Variants in RPRD2 observed in about 807,000 individuals in gnomAD.
RPRD2 encodes regulation of nuclear pre-mRNA domain containing 2, also known as regulation of nuclear pre-mRNA domain-containing protein 2.
A neutral mutation model predicts 104.4 loss-of-function variants in RPRD2; 12 were observed. The observed-to-expected ratio is 0.11, with a 90% CI of 0.07 to 0.19. The LOEUF (loss-of-function observed/expected upper bound fraction) is 0.19, where lower values mean the gene tolerates loss of function less well. Among genes scored for constraint, RPRD2 ranks in the 10% least tolerant of loss-of-function variants. The probability of loss-of-function intolerance (pLI) is 1.00; values close to 1 mark genes in which losing one functional copy is unlikely to be tolerated. For missense variants in RPRD2, 1,543 were observed against 1,790.1 expected, an observed-to-expected ratio of 0.86 and a Z score of 2.49; for synonymous variants, 714 against 684.9, an observed-to-expected ratio of 1.04 and a Z score of -0.66.
Position 150,471,805 on chromosome 1 carries a change from G to C in RPRD2, c.2857G>C (p.Gly953Arg), listed in dbSNP as rs1421080746. 1 of 1,613,744 alleles carries C rather than the reference G, an allele frequency of 6.2e-7. No homozygotes were observed. The highest frequency in any genetic ancestry group is 1.1e-5 in the South Asian group (1 of 91,056). Residue 953 changes from glycine to arginine, a missense_variant, in exon 11 of 11, where the codon GGG becomes CGG. Gly to Arg is a moderately radical substitution (Grantham distance 125). Transcript: ENST00000369068. This position sits in a 1 kb window ranked among gnomAD's most constrained non-coding sequence, Gnocchi z 5.3. Reference protein sequence around the residue: ...NHNSLSQSTTGHLSLPQKQYP... With the variant: ...NHNSLSQSTTRHLSLPQKQYP... ...CAATAGCTTGTCTCAATCTACCACT[G>C]GGCATCTCAGTTTGCCACAGAAGCA...
rs1397489502 is a variant in RPRD2 at position 150,472,975 on chromosome 1, C to T, written c.4027C>T (p.Leu1343Phe). The T allele has an allele frequency of 3.7e-6, 6 of 1,613,852 alleles. No homozygotes were observed. The highest frequency in any genetic ancestry group is 1.6e-4 in the Middle Eastern group (1 of 6,084). The change falls in exon 11 of 11, where the codon CTC (leucine) becomes TTC (phenylalanine). Residue 1343 changes from leucine to phenylalanine, a missense_variant. By Grantham distance (22) the Leu-to-Phe change is conservative. Transcript: ENST00000369068. ...GACCCTGGCTGAGCATTTTGGGGTA[C>T]TCCCAGGACCCAGGGACCACGGGGG... ...QGTLAEHFGV[L>F]PGPRDHGGPT...
Position 150,367,259 on chromosome 1 carries a change from AAT to A in RPRD2, c.205+2343_205+2344del, listed in dbSNP as rs587750033. Among the ~76,000 whole-genome samples the A allele has an allele frequency of 7.2e-4, 109 of 152,336 alleles. No homozygotes were observed. In the South Asian group the frequency reaches 0.022, roughly 31 times the overall value. On this transcript the variant is annotated intron_variant, in intron 1 of 10. Coordinates refer to ENST00000369068, the MANE Select transcript of RPRD2 (RefSeq NM_015203.5). Reference sequence around the variant, plus strand: ...ATTGTAAATAAAGCGTTTTGAGAGAAATATTCAGCAGAATGGTGTGGGGCGCA... The same window carrying A: ...ATTGTAAATAAAGCGTTTTGAGAGAAATTCAGCAGAATGGTGTGGGGCGCA...
rs1423067772 is a variant in RPRD2, at chr1:150,471,313, T to C, written c.2365T>C (p.Tyr789His). 6.2e-7 allele frequency: 1 copy of C among 1,613,696 alleles called. No individual in the cohort carries two copies. Among genetic ancestry groups the C allele is most frequent in the East Asian group, 2.2e-5 (1 of 44,884 alleles). Residue 789 changes from tyrosine (Y) to histidine (H), a missense_variant, in exon 11 of 11, where the codon TAT becomes CAT. By Grantham distance (83) the Tyr-to-His change is moderately conservative. Transcript: ENST00000369068. This position sits in a 1 kb window ranked among gnomAD's most constrained non-coding sequence, Gnocchi z 5.3. ...AGAGCTCTCCAATTCTGTATCTACA[T>C]ATCGACCCTTTGGTCTGGGCAGTGA... is the stretch of plus-strand genomic sequence containing the variant. ...PRELSNSVST[Y>H]RPFGLGSESP...
chr1:150,366,339 C>T (rs2102063600), intron 1 of RPRD2, among the ~76,000 whole-genome samples: 1 of 152,308 alleles, frequency 6.6e-6, no homozygotes. Flanking sequence ...AGGCCCCATG[C>T]TTCGAACTAT....
chr1:150,417,770 T>G (rs367910768), intron 2 of RPRD2, 45 bp downstream of exon 2: 98 of 1,451,314 alleles, frequency 6.8e-5, no homozygotes, highest in Middle Eastern at 3.7e-4. Flanking sequence ...CTTAGACAAC[T>G]TAGAATTTTA....
intron 1 of RPRD2, among the ~76,000 whole-genome samples, chr1:150,371,431 G>A (rs765314666): frequency 6.6e-6 from 1 of 152,082 alleles, no homozygotes; most frequent in Admixed American, 6.6e-5. Flanking sequence ...TGGCACGATC[G>A]TGGCTCACTG....
Position 150,476,431 on chromosome 1 carries a change from T to C in RPRD2, c.*3097T>C, listed in dbSNP as rs1668896693. 1 of 152,192 alleles carries C rather than the reference T, an allele frequency of 6.6e-6. No homozygotes were observed. The highest frequency in any genetic ancestry group is 2.4e-5 in the African/African-American group (1 of 41,438). 9.4% of individuals were successfully genotyped at this position (152,192 alleles called of 1,614,324 possible). On this transcript the variant is annotated 3_prime_UTR_variant, in exon 11 of 11. Coordinates refer to ENST00000369068, the MANE Select transcript of RPRD2 (RefSeq NM_015203.5). The stretch of plus-strand genomic sequence containing the variant: ...GTGGGCGGGGGCGCCTGTTAAGATC[T>C]AAAATAGATATGTTGGATTGATATT...
At chr1:150,365,425 A>T (rs1252272736) in intron 1 of RPRD2, among the ~76,000 whole-genome samples, 1 of 152,146 alleles carries the variant, frequency 6.6e-6, no homozygotes, top group Non-Finnish European at 1.5e-5. Context: ...ACCTGGATGA[A>T]TGTTAAGAAG....
chr1:150,465,801 G>A (rs587595856), intron 10 of RPRD2, among the ~76,000 whole-genome samples: 71 of 152,206 alleles, frequency 4.7e-4, no homozygotes, highest in African/African-American at 1.7e-3. Flanking sequence ...GCTCACGCCT[G>A]TAATCCCGGC....
intron 2 of RPRD2, among the ~76,000 whole-genome samples, chr1:150,420,194 C>T (rs1050364580): frequency 3.3e-5 from 5 of 152,100 alleles, no homozygotes; most frequent in African/African-American, 1.2e-4. Flanking sequence ...CTAGTGTTTC[C>T]TTGACTTGAA....
intron 1 of RPRD2, among the ~76,000 whole-genome samples, chr1:150,384,846 G>C (rs1661446030): frequency 6.6e-6 from 1 of 151,992 alleles, no homozygotes; most frequent in African/African-American, 2.4e-5. Flanking sequence ...TTGTGGTAGG[G>C]GAATATATTT....
At chr1:150,370,078 G>T (rs1030402401) in intron 1 of RPRD2, among the ~76,000 whole-genome samples, 1 of 151,888 alleles carries the variant, frequency 6.6e-6, no homozygotes, top group Non-Finnish European at 1.5e-5. Flanking sequence ...CACCACGCCC[G>T]GCCAAATTTT....
intron 10 of RPRD2, among the ~76,000 whole-genome samples, chr1:150,466,842 G>T (rs1375105122): frequency 6.6e-6 from 1 of 152,094 alleles, no homozygotes; most frequent in Non-Finnish European, 1.5e-5. Flanking sequence ...GTATAATTAT[G>T]AAATGAATTA....
intron 7 of RPRD2, among the ~76,000 whole-genome samples, chr1:150,451,911 C>T (rs1340227964): frequency 6.6e-6 from 1 of 151,882 alleles, no homozygotes; most frequent in Non-Finnish European, 1.5e-5. Flanking sequence ...GAGGCTGAGG[C>T]AGGCAGATCC....
chr1:150,448,589 T>C (rs1236865502), intron 7 of RPRD2, among the ~76,000 whole-genome samples: 2 of 152,244 alleles, frequency 1.3e-5, no homozygotes, highest in Non-Finnish European at 2.9e-5. Context: ...GCTTACATTA[T>C]AACTCTGTAA....
intron 7 of RPRD2, among the ~76,000 whole-genome samples, chr1:150,449,076 G>T (rs1046718233): frequency 2.0e-5 from 3 of 152,084 alleles, no homozygotes; most frequent in Non-Finnish European, 4.4e-5. Context: ...ATTAGCCTGG[G>T]CAACATTGTG....
Position 150,365,954 on chromosome 1 carries a change from T to G in RPRD2, c.205+1035T>G, listed in dbSNP as rs587653150. ...AATTGAGTTGATCTCATGGGTAATG[T>G]GCACAGGAAATGTGCTTTTTGAATA... is the stretch of plus-strand genomic sequence containing the variant. On this transcript the variant is annotated intron_variant, in intron 1 of 10. Coordinates refer to ENST00000369068, the MANE Select transcript of RPRD2 (RefSeq NM_015203.5). Among the ~76,000 whole-genome samples, 4 of 152,386 alleles carry G rather than the reference T, an allele frequency of 2.6e-5. No individual in the cohort carries two copies. In the East Asian group the frequency reaches 5.8e-4, roughly 22 times the overall value.
At chr1:150,402,455 A>C (rs1355628748) in intron 1 of RPRD2, among the ~76,000 whole-genome samples, 1 of 151,742 alleles carries the variant, frequency 6.6e-6, no homozygotes, top group Non-Finnish European at 1.5e-5. Context: ...AGATGGGAGG[A>C]TCGCTTGACC....
chr1:150,446,852 G>A (rs1553895594), intron 7 of RPRD2, among the ~76,000 whole-genome samples: 1 of 72,078 alleles, frequency 1.4e-5, no homozygotes, highest in South Asian at 2.8e-4. Context: ...TTTTTTTTTG[G>A]AACGGAGTTT....
Sources: allele counts gnomAD v4.1 joint callset (sites outside exome capture counted in the v4.1 genomes callset), GRCh38; gene constraint gnomAD v4.1.1; non-coding constraint Gnocchi (gnomAD v3.1); transcripts MANE v1.5; gene names NCBI Gene and HGNC (gene_info 2026-07-23, HGNC 2026-07-21).